The following UBAC2 variants were observed in gnomAD, a reference collection of about 807,000 sequenced individuals.
UBAC2 encodes UBA domain containing 2.
A neutral mutation model predicts 44.0 loss-of-function variants in UBAC2; 26 were observed. That is an observed-to-expected ratio of 0.59 (90% CI 0.43 to 0.82). The LOEUF (loss-of-function observed/expected upper bound fraction) is 0.82. Among genes scored for constraint, UBAC2 ranks in the 40% least tolerant of loss-of-function variants. UBAC2 has a pLI of 0.00. For missense variants in UBAC2, 329 were observed against 419.4 expected (o/e 0.78, Z 1.88); for synonymous variants, 155 against 154.3 (o/e 1.00, Z -0.04).
chr13:99,280,066 T>C (rs2043932273), intron 4 of UBAC2, among the ~76,000 whole-genome samples: 1 of 152,232 alleles, frequency 6.6e-6, no homozygotes. Flanking sequence ...GGACTATTGC[T>C]GTAGCCTCCT....
chr13:99,330,770 G>T (rs979507213), intron 6 of UBAC2, among the ~76,000 whole-genome samples: 1 of 152,070 alleles, frequency 6.6e-6, no homozygotes, highest in African/African-American at 2.4e-5. Context: ...CACCATTGAG[G>T]CTGTATCTAT....
Position 99,317,872 on chromosome 13 carries a change from A to G in UBAC2, c.514-150A>G, listed in dbSNP as rs141320365. The G allele has an allele frequency of 1.2e-3, 646 of 545,950 alleles. 3 individuals carry two copies. The highest frequency in any genetic ancestry group is 0.012 in the African/African-American group (587 of 50,348). 33.8% of individuals were successfully genotyped at this position (545,950 alleles called of 1,614,324 possible). On this transcript the variant is annotated intron_variant, in intron 5 of 8. Coordinates refer to ENST00000403766, the MANE Select transcript of UBAC2 (RefSeq NM_001144072.2). ...AATTTTCTTTTAAGTAACAGTTGAT[A>G]TTTACTAATTTTCCATTTGCTTCTC...
At chr13:99,230,019 A>C (rs962698208) in intron 1 of UBAC2, among the ~76,000 whole-genome samples, 9 of 152,108 alleles carry the variant, frequency 5.9e-5, no homozygotes, top group African/African-American at 2.2e-4. Flanking sequence ...CCATTATTTT[A>C]TTCTCTCTGC....
At chr13:99,384,052 G>A (rs1046504780) in intron 8 of UBAC2, among the ~76,000 whole-genome samples, 5 of 152,206 alleles carry the variant, frequency 3.3e-5, no homozygotes, top group African/African-American at 4.8e-5. Context: ...GCCCATGCCC[G>A]GCCCCTCCTC....
chr13:99,344,725 C>T lies in UBAC2; in HGVS notation c.807+4160C>T, dbSNP rs150745630. 8.1e-3 allele frequency among the ~76,000 whole-genome samples: 1,241 copies of T among 152,306 alleles called. 10 individuals are homozygous for T. Among genetic ancestry groups the T allele is most frequent in the South Asian group, 0.056 (268 of 4,820 alleles). The stretch of plus-strand genomic sequence containing the variant: ...TCTCTTGCCTGCTTATGCCAGAGTT[C>T]ATCCTGCCATCTGGCAGGTGCTCGC... On this transcript the variant is annotated intron_variant, in intron 7 of 8. Coordinates refer to ENST00000403766, the MANE Select transcript of UBAC2 (RefSeq NM_001144072.2).
chr13:99,219,908 AT>A (rs1435425948), intron 1 of UBAC2, among the ~76,000 whole-genome samples: 1 of 152,120 alleles, frequency 6.6e-6, no homozygotes, highest in Non-Finnish European at 1.5e-5. Context: ...CATTCCTCTT[AT>A]GACTGAATAA....
At chr13:99,377,921 C>T (rs1329053967) in intron 8 of UBAC2, among the ~76,000 whole-genome samples, 1 of 152,244 alleles carries the variant, frequency 6.6e-6, no homozygotes, top group Non-Finnish European at 1.5e-5. Flanking sequence ...AAGCTCGGGT[C>T]TCCCTGCCAC....
intron 1 of UBAC2, among the ~76,000 whole-genome samples, chr13:99,213,416 A>G (rs2042956609): frequency 6.6e-6 from 1 of 151,866 alleles, no homozygotes; most frequent in Non-Finnish European, 1.5e-5. Context: ...CCTGGAGTGC[A>G]ATGGTGTGAT....
intron 4 of UBAC2, among the ~76,000 whole-genome samples, chr13:99,275,930 G>A (rs73566002): frequency 0.011 from 1,666 of 152,256 alleles, 37 homozygotes; most frequent in African/African-American, 0.039. Context: ...CAATGGGTTG[G>A]TCAGATTCCC....
intron 7 of UBAC2, among the ~76,000 whole-genome samples, chr13:99,367,420 C>T (rs2045345980): frequency 6.6e-6 from 1 of 152,204 alleles, no homozygotes; most frequent in African/African-American, 2.4e-5. Context: ...TCCTATCACA[C>T]CCTGCAAAGC....
chr13:99,219,197 G>A (rs1036857531), intron 1 of UBAC2, among the ~76,000 whole-genome samples: 1 of 152,164 alleles, frequency 6.6e-6, no homozygotes, highest in Non-Finnish European at 1.5e-5. Flanking sequence ...TGCGTGACTT[G>A]TGGAGGCAGG....
intron 1 of UBAC2, among the ~76,000 whole-genome samples, chr13:99,226,176 C>G (rs1260794711): frequency 6.6e-6 from 1 of 152,098 alleles, no homozygotes; most frequent in Non-Finnish European, 1.5e-5. Flanking sequence ...AGAGACCTGG[C>G]AGGTGAAGGC....
chr13:99,230,673 T>C (rs1157288617), intron 1 of UBAC2, among the ~76,000 whole-genome samples: 1 of 152,168 alleles, frequency 6.6e-6, no homozygotes, highest in Admixed American at 6.5e-5. Context: ...CAATTTTATC[T>C]TCGAAGCCAA....
At chr13:99,331,539 T>G (rs1294757546) in intron 6 of UBAC2, among the ~76,000 whole-genome samples, 1 of 152,256 alleles carries the variant, frequency 6.6e-6, no homozygotes, top group African/African-American at 2.4e-5. Flanking sequence ...ATCTTTTAAT[T>G]TAGTATCATT....
intron 4 of UBAC2, among the ~76,000 whole-genome samples, chr13:99,276,313 A>G (rs975170670): frequency 2.0e-5 from 3 of 152,170 alleles, no homozygotes; most frequent in Non-Finnish European, 2.9e-5. Flanking sequence ...TGCCAGTCAC[A>G]CGTTTCAGGA....
At chr13:99,225,546 G>A (rs1359669231) in intron 1 of UBAC2, among the ~76,000 whole-genome samples, 2 of 152,046 alleles carry the variant, frequency 1.3e-5, no homozygotes, top group African/African-American at 4.8e-5. Context: ...TTGTTTACCC[G>A]TTTATGCATT....
At chr13:99,283,279 C>A (rs2043976609) in intron 4 of UBAC2, among the ~76,000 whole-genome samples, 2 of 152,096 alleles carry the variant, frequency 1.3e-5, no homozygotes, top group African/African-American at 4.8e-5. Context: ...TTCATAGAGA[C>A]ACTTGATAAT....
At chr13:99,256,450 A>G (rs932545280) in intron 4 of UBAC2, 1 of 152,182 alleles carries the variant, frequency 6.6e-6, no homozygotes, top group African/African-American at 2.4e-5. Flanking sequence ...AATTGGGAGT[A>G]CGTAAAGCCA....
chr13:99,243,752 T>TA (rs1379936603), intron 2 of UBAC2, 80 bp from the exon 3 acceptor site: 14 of 1,336,022 alleles, frequency 1.0e-5, no homozygotes, highest in Non-Finnish European at 1.3e-5. Context: ...ATAGGCAGTG[T>TA]AAACATAACA....
Sources: allele counts gnomAD v4.1 joint callset (sites outside exome capture counted in the v4.1 genomes callset), GRCh38; gene constraint gnomAD v4.1.1; transcripts MANE v1.5; gene names NCBI Gene and HGNC (gene_info 2026-07-23, HGNC 2026-07-21).